The following SDK2 variants were observed in gnomAD, a reference collection of about 807,000 sequenced individuals.
SDK2 encodes protein sidekick-2.
A neutral mutation model predicts 253.9 loss-of-function variants in SDK2; 105 were observed. The observed-to-expected ratio is 0.41, with a 90% CI of 0.35 to 0.49. The LOEUF (loss-of-function observed/expected upper bound fraction) is 0.49. Among genes scored for constraint, SDK2 ranks in the 20% least tolerant of loss-of-function variants. SDK2 has a pLI of 0.06. For missense variants in SDK2, 2,608 were observed against 3,003.0 expected (o/e 0.87, Z 3.07); for synonymous variants, 1,249 against 1,234.9 (o/e 1.01, Z -0.24).
chr17:73,353,023 G>A (rs1223307068), intron 40 of SDK2, among the ~76,000 whole-genome samples: 1 of 152,140 alleles, frequency 6.6e-6, no homozygotes, highest in Non-Finnish European at 1.5e-5. Context: ...GCTGGGAGAT[G>A]GAAGTTGCAG....
chr17:73,362,501 C>T (rs1238717080), intron 38 of SDK2, among the ~76,000 whole-genome samples: 2 of 151,948 alleles, frequency 1.3e-5, no homozygotes, highest in African/African-American at 2.4e-5. Context: ...AGCCGTCCTG[C>T]CACTTTCAGC....
At chr17:73,588,197 ACCC>A (rs57740393) in intron 1 of SDK2, among the ~76,000 whole-genome samples, 10 of 130,862 alleles carry the variant, frequency 7.6e-5, no homozygotes, top group African/African-American at 2.9e-4. Context: ...ACATGGAGAG[ACCC>A]CCCCCCCTCC....
At chr17:73,478,761 G>A (rs918141172) in intron 2 of SDK2, among the ~76,000 whole-genome samples, 14 of 152,290 alleles carry the variant, frequency 9.2e-5, no homozygotes, top group Non-Finnish European at 7.3e-5. Context: ...ATTCTTACTC[G>A]CATTAAATAA....
At position 73,380,375 on chromosome 17, in the gene SDK2, G is replaced by A. The variant is rs574139970; in HGVS notation, c.4762+519C>T. Among the ~76,000 whole-genome samples the A allele has an allele frequency of 2.6e-5, 4 of 152,306 alleles. No homozygotes were observed. In the East Asian group the frequency reaches 5.8e-4, roughly 22 times the overall value. On this transcript the variant is annotated intron_variant, in intron 34 of 44. Transcript: ENST00000392650. ...GGCCCTGGGTTTCAGGAAGAACCAC[G>A]GCTGATGCTTTAGAGAAAGATCAAG...
chr17:73,516,472 T>G (rs1458480039), intron 1 of SDK2: 3 of 152,300 alleles, frequency 2.0e-5, no homozygotes, highest in Admixed American at 2.0e-4. Flanking sequence ...GCCCCATGCC[T>G]GGCAAGGCCT....
In SDK2 at chr17:73,455,882, G is replaced by A. The variant is rs1274124449; in HGVS notation, c.479+24C>T. On this transcript the variant is annotated intron_variant, in intron 4 of 44. Transcript: ENST00000392650. The surrounding 1 kb of genome is among the most constrained non-coding windows in gnomAD (Gnocchi z 5.0). ...TCCCCCAGACACCCCTCCCCTCCCC[G>A]TCCCCTCAGAGCGATGCACTCACAT... 37 of 921,344 alleles carry A rather than the reference G, an allele frequency of 4.0e-5. No individual in the cohort carries two copies. The highest frequency in any genetic ancestry group is 5.4e-5 in the East Asian group (1 of 18,480). The allele number at this position is 921,344 out of a possible 1,614,324, so 57.1% of individuals were successfully genotyped here. A position where few individuals can be genotyped will look rare whatever the true frequency, so the allele number is the denominator to read the frequency against.
intron 15 of SDK2, among the ~76,000 whole-genome samples, chr17:73,421,268 C>T (rs2063227514): frequency 9.3e-6 from 1 of 107,412 alleles, no homozygotes; most frequent in South Asian, 2.9e-4. Flanking sequence ...TGCTCCCTCC[C>T]GTGAGATTGT....
intron 1 of SDK2, among the ~76,000 whole-genome samples, chr17:73,599,532 CA>C (rs201148895): frequency 0.011 from 1,399 of 129,750 alleles, 23 homozygotes; most frequent in African/African-American, 0.036. Context: ...GGTTCCATCT[CA>C]AAAAAAAAAA....
At chr17:73,601,496 G>A (rs758683291) in intron 1 of SDK2, among the ~76,000 whole-genome samples, 23 of 152,140 alleles carry the variant, frequency 1.5e-4, no homozygotes, top group Non-Finnish European at 2.5e-4. Flanking sequence ...GTCCTGTGAA[G>A]AGGGAAATTT....
intron 18 of SDK2, among the ~76,000 whole-genome samples, chr17:73,411,887 TCA>T (rs746562356): frequency 2.5e-4 from 37 of 148,898 alleles, no homozygotes; most frequent in Non-Finnish European, 4.9e-4. Context: ...TTCCCCTGCC[TCA>T]GTCTCCCGAG....
At chr17:73,490,050 A>G (rs986286065) in intron 2 of SDK2, among the ~76,000 whole-genome samples, 1 of 152,108 alleles carries the variant, frequency 6.6e-6, no homozygotes, top group South Asian at 2.1e-4. Flanking sequence ...CAGACTTCTT[A>G]CACCACCACC....
chr17:73,639,758 C>T lies in SDK2; in HGVS notation c.64+4267G>A, dbSNP rs973743488. On this transcript the variant is annotated intron_variant, in intron 1 of 44. Transcript: ENST00000392650. The surrounding 1 kb of genome is among the most constrained non-coding windows in gnomAD (Gnocchi z 4.3). ...CCAGCCAATCAGAGGACCCCTTCAA[C>T]CACAGCCAGATCCTAGGAAAACCAG... Among the ~76,000 whole-genome samples the T allele has an allele frequency of 6.6e-6, 1 of 152,144 alleles. No homozygotes were observed. Among genetic ancestry groups the T allele is most frequent in the Non-Finnish European group, 1.5e-5 (1 of 68,014 alleles).
chr17:73,535,991 C>T (rs1270785405), intron 1 of SDK2, among the ~76,000 whole-genome samples: 6 of 152,290 alleles, frequency 3.9e-5, no homozygotes, highest in South Asian at 4.1e-4. Flanking sequence ...TGACACTTTT[C>T]CTTTTCTGAT....
intron 18 of SDK2, among the ~76,000 whole-genome samples, chr17:73,412,022 ATATGTATATATACG>A (rs2063134795): frequency 6.1e-5 from 3 of 49,280 alleles, no homozygotes; most frequent in African/African-American, 1.9e-4. Flanking sequence ...AGATATACGT[ATATGTATATATACG>A]TATATATATG....
intron 1 of SDK2, among the ~76,000 whole-genome samples, chr17:73,512,829 G>A (rs1433089706): frequency 6.6e-6 from 1 of 152,154 alleles, no homozygotes; most frequent in Non-Finnish European, 1.5e-5. Flanking sequence ...TATGATGAAA[G>A]TAGAATTTCA....
intron 2 of SDK2, among the ~76,000 whole-genome samples, chr17:73,490,613 G>A (rs966585463): frequency 1.4e-4 from 19 of 138,240 alleles, no homozygotes; most frequent in Non-Finnish European, 2.4e-4. Context: ...CTGCAGCCTC[G>A]ACCTCCTGGG....
chr17:73,457,602 C>T (rs1282406330), intron 3 of SDK2, among the ~76,000 whole-genome samples: 3 of 151,886 alleles, frequency 2.0e-5, no homozygotes, highest in Admixed American at 6.6e-5. Flanking sequence ...CCGCCCGCCT[C>T]GGCCTCCCAA....
chr17:73,421,038 C>T (rs977734631), intron 15 of SDK2, among the ~76,000 whole-genome samples: 2 of 152,236 alleles, frequency 1.3e-5, no homozygotes, highest in African/African-American at 4.8e-5. Flanking sequence ...TGATGCGGTG[C>T]AGCCGCAGGG....
At chr17:73,574,882 G>T (rs926432569) in intron 1 of SDK2, among the ~76,000 whole-genome samples, 9 of 152,194 alleles carry the variant, frequency 5.9e-5, no homozygotes, top group African/African-American at 2.2e-4. Flanking sequence ...ACCCTAGAGG[G>T]TGCTGGGTTT....
Sources: allele counts gnomAD v4.1 joint callset (sites outside exome capture counted in the v4.1 genomes callset), GRCh38; gene constraint gnomAD v4.1.1; non-coding constraint Gnocchi (gnomAD v3.1); transcripts MANE v1.5; gene names NCBI Gene and HGNC (gene_info 2026-07-23, HGNC 2026-07-21).